NOL4: variants seen among roughly 807,000 people sequenced by gnomAD.
NOL4 encodes the protein cancer/testis antigen 125.
A neutral mutation model predicts 75.9 loss-of-function variants in NOL4; 17 were observed. The observed-to-expected ratio is 0.22, with a 90% CI of 0.15 to 0.34. The LOEUF (loss-of-function observed/expected upper bound fraction) is 0.34, where lower values mean the gene tolerates loss of function less well. Among genes scored for constraint, NOL4 ranks in the 10% least tolerant of loss-of-function variants. The pLI is 1.00. For synonymous variants in NOL4, 292 were observed against 289.9 expected (o/e 1.01, Z -0.07); for missense variants, 614 against 793.5 (o/e 0.77, Z 2.72).
At chr18:34,197,887 G>A (rs1171479764) in intron 1 of NOL4, among the ~76,000 whole-genome samples, 1 of 151,904 alleles carries the variant, frequency 6.6e-6, no homozygotes, top group African/African-American at 2.4e-5. Context: ...AGATTTATGG[G>A]ACAATATCCA....
chr18:33,902,969 C>G (rs1360544338), intron 9 of NOL4, among the ~76,000 whole-genome samples: 1 of 151,932 alleles, frequency 6.6e-6, no homozygotes, highest in Non-Finnish European at 1.5e-5. Flanking sequence ...CTGTTTTGTT[C>G]AAATATTTTG....
chr18:33,851,139 A>C lies in NOL4; in HGVS notation c.*1703T>G, dbSNP rs1332382029. On this transcript the variant is annotated 3_prime_UTR_variant, in exon 11 of 11. Coordinates refer to ENST00000261592, the MANE Select transcript of NOL4 (RefSeq NM_003787.5). ...AAATCTGTTTATTAAACCAAACAAA[A>C]CAGAGAAAATTATACCAGCCCTCAA... The C allele has an allele frequency of 1.3e-5, 2 of 152,514 alleles. No homozygotes were observed. The highest frequency in any genetic ancestry group is 2.9e-5 in the Non-Finnish European group (2 of 67,988). 9.4% of individuals were successfully genotyped at this position (152,514 alleles called of 1,614,324 possible).
chr18:34,137,736 C>G (rs2080951561), intron 1 of NOL4, among the ~76,000 whole-genome samples: 2 of 150,938 alleles, frequency 1.3e-5, no homozygotes, highest in Admixed American at 1.3e-4. Context: ...TAAACATAGA[C>G]TTACCAGACG....
rs140285796 is a variant in NOL4 at position 33,866,188 on chromosome 18, C to G, written c.1724-13153G>C. On this transcript the variant is annotated intron_variant, in intron 10 of 10. Coordinates refer to ENST00000261592, the MANE Select transcript of NOL4 (RefSeq NM_003787.5). Reference sequence around the variant, plus strand: ...ATTTGAGGGCAATTTTGAATGTTTACTTAAAAGATTAATTTTAGTTTAAGA... The same window carrying G: ...ATTTGAGGGCAATTTTGAATGTTTAGTTAAAAGATTAATTTTAGTTTAAGA... Among the ~76,000 whole-genome samples, 85 of 152,182 alleles carry G rather than the reference C, an allele frequency of 5.6e-4. No individual in the cohort carries two copies. The East Asian group carries it at 0.015, about 28-fold the overall frequency.
intron 5 of NOL4, among the ~76,000 whole-genome samples, chr18:34,030,956 C>T (rs1447881671): frequency 6.6e-6 from 1 of 151,398 alleles, no homozygotes; most frequent in African/African-American, 2.4e-5. Context: ...TTAAGGTTGA[C>T]AATAGGGAGA....
Position 33,870,456 on chromosome 18 carries a change from T to C in NOL4, c.1723+12788A>G, listed in dbSNP as rs181601605. On this transcript the variant is annotated intron_variant, in intron 10 of 10. Transcript: ENST00000261592. ...TGGCATAGTTAATGCTGATATATTA[T>C]ATTCCTGAAAAAAACCAATTAATAT... is the stretch of plus-strand genomic sequence containing the variant. 3.6e-3 allele frequency among the ~76,000 whole-genome samples: 543 copies of C among 152,116 alleles called. 4 individuals carry two copies. The highest frequency in any genetic ancestry group is 0.014 in the Middle Eastern group (4 of 294).
At chr18:34,040,631 GAT>G (rs1487737417) in intron 5 of NOL4, among the ~76,000 whole-genome samples, 3 of 152,008 alleles carry the variant, frequency 2.0e-5, no homozygotes, top group African/African-American at 7.2e-5. Flanking sequence ...TACGAACAGA[GAT>G]AGTGTGTTAA....
rs2036095915 is a variant in NOL4, at chr18:34,205,974, A to G, written c.264+17016T>C. Among the ~76,000 whole-genome samples, 10 of 152,278 alleles carry G rather than the reference A, an allele frequency of 6.6e-5. No individual in the cohort carries two copies. The South Asian group carries it at 1.9e-3, about 28-fold the overall frequency. ...CATTTTATCTTTAATATTAGCATGTATTGCCATAAATTTTCCTCAAAGCCT... is the reference window on the plus strand; with the variant it reads ...CATTTTATCTTTAATATTAGCATGTGTTGCCATAAATTTTCCTCAAAGCCT... On this transcript the variant is annotated intron_variant, in intron 1 of 10. Coordinates refer to ENST00000261592, the MANE Select transcript of NOL4 (RefSeq NM_003787.5).
chr18:33,896,475 A>C (rs1248879825), intron 9 of NOL4, among the ~76,000 whole-genome samples: 1 of 152,080 alleles, frequency 6.6e-6, no homozygotes, highest in Non-Finnish European at 1.5e-5. Flanking sequence ...AAAATAAGGC[A>C]GCACATCTAT....
chr18:33,956,640 G>A (rs1020442848), intron 8 of NOL4, among the ~76,000 whole-genome samples: 4 of 152,116 alleles, frequency 2.6e-5, no homozygotes, highest in Non-Finnish European at 5.9e-5. Flanking sequence ...ATTAGAGCAA[G>A]GTGAAATAGA....
rs200791024 is a variant in NOL4, at chr18:34,217,978, A to G, written c.264+5012T>C. Among the ~76,000 whole-genome samples the G allele has an allele frequency of 5.3e-5, 8 of 152,148 alleles. No individual in the cohort carries two copies. The East Asian group carries it at 1.4e-3, about 26-fold the overall frequency. ...CTGTAAAATCAACACTCTACTCACT[A>G]TGCCATGTTTCTTGCCATCTATGCT... On this transcript the variant is annotated intron_variant, in intron 1 of 10. Coordinates refer to ENST00000261592, the MANE Select transcript of NOL4 (RefSeq NM_003787.5).
chr18:34,146,730 G>GTT (rs577790396), intron 1 of NOL4, among the ~76,000 whole-genome samples: 2 of 147,512 alleles, frequency 1.4e-5, no homozygotes, highest in Admixed American at 6.8e-5. Flanking sequence ...ATTTAAAGTA[G>GTT]TTTTTTTTTT....
intron 1 of NOL4, among the ~76,000 whole-genome samples, chr18:34,167,878 G>A (rs1470053541): frequency 6.6e-6 from 1 of 151,876 alleles, no homozygotes; most frequent in Admixed American, 6.6e-5. Flanking sequence ...TGGAGGGAAA[G>A]GAATAATATA....
intron 9 of NOL4, among the ~76,000 whole-genome samples, chr18:33,942,309 T>C: frequency 6.6e-6 from 1 of 151,992 alleles, no homozygotes; most frequent in Non-Finnish European, 1.5e-5. Context: ...TAGTATATCA[T>C]GTGATAATTT....
At chr18:34,198,678 C>T (rs898945106) in intron 1 of NOL4, among the ~76,000 whole-genome samples, 1 of 151,754 alleles carries the variant, frequency 6.6e-6, no homozygotes, top group African/African-American at 2.4e-5. Context: ...AATACCTGTA[C>T]ATTTGACCAA....
At chr18:34,161,263 C>A (rs2031433765) in intron 1 of NOL4, among the ~76,000 whole-genome samples, 1 of 152,170 alleles carries the variant, frequency 6.6e-6, no homozygotes, top group South Asian at 2.1e-4. Flanking sequence ...GTGCATAGTG[C>A]TCCAATAAAC....
chr18:34,061,234 T>C (rs1033336992), intron 5 of NOL4, among the ~76,000 whole-genome samples: 3 of 152,176 alleles, frequency 2.0e-5, no homozygotes, highest in African/African-American at 2.4e-5. Flanking sequence ...CAGTTCATCA[T>C]AGATATATGA....
intron 9 of NOL4, among the ~76,000 whole-genome samples, chr18:33,932,814 A>C (rs998152553): frequency 1.3e-5 from 2 of 152,084 alleles, no homozygotes; most frequent in African/African-American, 2.4e-5. Context: ...CTGAGCCCCA[A>C]TTTCTATACT....
chr18:33,881,279 G>C (rs1002517900), intron 10 of NOL4, among the ~76,000 whole-genome samples: 31 of 150,218 alleles, frequency 2.1e-4, no homozygotes, highest in African/African-American at 7.4e-4. Context: ...AGACAATGGG[G>C]TTTTCTAGAT....
Sources: allele counts gnomAD v4.1 joint callset (sites outside exome capture counted in the v4.1 genomes callset), GRCh38; gene constraint gnomAD v4.1.1; transcripts MANE v1.5; gene names NCBI Gene and HGNC (gene_info 2026-07-23, HGNC 2026-07-21).